SNX10: variants seen among roughly 807,000 people sequenced by gnomAD.
SNX10 encodes sorting nexin 10.
In SNX10, 25 loss-of-function variants were observed where a neutral mutation model predicts 28.5. That is an observed-to-expected ratio of 0.88 (90% CI 0.64 to 1.22). The LOEUF is 1.22. SNX10 is among the 50% of genes most tolerant of loss of function. The pLI is 0.00. For synonymous variants in SNX10, 62 were observed against 81.4 expected (o/e 0.76, Z 1.28); for missense variants, 223 against 242.6 (o/e 0.92, Z 0.54).
At chr7:26,303,099 G>A (rs988843176) in intron 1 of SNX10, among the ~76,000 whole-genome samples, 3 of 152,198 alleles carry the variant, frequency 2.0e-5, no homozygotes, top group Admixed American at 6.5e-5. Context: ...ATTAGAATGC[G>A]TTAGCTTCAA....
chr7:26,318,260 AT>A (rs1787169739), intron 1 of SNX10, among the ~76,000 whole-genome samples: 1 of 151,850 alleles, frequency 6.6e-6, no homozygotes, highest in African/African-American at 2.4e-5. Flanking sequence ...GTTATTTCTT[AT>A]AGCTAAGTGT....
chr7:26,351,622 A>T (rs1788599094), intron 2 of SNX10, among the ~76,000 whole-genome samples: 1 of 151,506 alleles, frequency 6.6e-6, no homozygotes, highest in Non-Finnish European at 1.5e-5. Context: ...CATTAGGTGA[A>T]AACTAAAGCA....
At chr7:26,345,535 C>CG (rs1430250530) in intron 1 of SNX10, among the ~76,000 whole-genome samples, 1 of 152,210 alleles carries the variant, frequency 6.6e-6, no homozygotes, top group Non-Finnish European at 1.5e-5. Flanking sequence ...TCTGCACCTC[C>CG]ACACGGCCCT....
intron 1 of SNX10, among the ~76,000 whole-genome samples, chr7:26,315,632 C>G (rs1787054445): frequency 6.6e-6 from 1 of 151,004 alleles, no homozygotes; most frequent in Admixed American, 6.6e-5. Context: ...TTCGCCACTG[C>G]ACTTCTAGCC....
At chr7:26,369,851 T>C (rs1789444263) in intron 5 of SNX10, among the ~76,000 whole-genome samples, 2 of 152,238 alleles carry the variant, frequency 1.3e-5, no homozygotes, top group South Asian at 2.1e-4. Flanking sequence ...ACCTGGACTC[T>C]GATCACTTTT....
In SNX10 at chr7:26,324,312, T is replaced by C. The variant is rs527527915; in HGVS notation, c.-23-22108T>C. Among the ~76,000 whole-genome samples the C allele has an allele frequency of 1.8e-4, 28 of 152,322 alleles. 1 individual carries two copies. Among genetic ancestry groups the C allele is most frequent in the Middle Eastern group, 3.4e-3 (1 of 294 alleles). Reference sequence around the variant, plus strand: ...GTAAAATTGTGATAATGATTGTTCATTGTGGTGGTTTATGGTTAAGGTGAC... The same window carrying C: ...GTAAAATTGTGATAATGATTGTTCACTGTGGTGGTTTATGGTTAAGGTGAC... On this transcript the variant is annotated intron_variant, in intron 1 of 6. Transcript: ENST00000338523.
At chr7:26,357,869 G>C (rs754553869) in intron 2 of SNX10, among the ~76,000 whole-genome samples, 8 of 152,100 alleles carry the variant, frequency 5.3e-5, no homozygotes, top group Non-Finnish European at 1.2e-4. Flanking sequence ...GCGTGCTCAA[G>C]GGACTTCTAG....
chr7:26,371,891 G>C lies in SNX10; in HGVS notation c.382G>C (p.Glu128Gln), dbSNP rs757084815. ...HLFLQSHLNS[E>Q]DIEACVSGQT... Reference sequence around the variant, plus strand: ...CTTCTTACAGAGCCATCTGAATTCAGAAGACATTGAGGCGTGTGTTTCTGG... The same window carrying C: ...CTTCTTACAGAGCCATCTGAATTCACAAGACATTGAGGCGTGTGTTTCTGG... The change falls in exon 6 of 7, where the codon GAA (glutamate) becomes CAA (glutamine). Residue 128 changes from glutamate to glutamine, a missense_variant. Coordinates refer to ENST00000338523, the MANE Select transcript of SNX10 (RefSeq NM_013322.3). 5.4e-5 allele frequency: 87 copies of C among 1,613,436 alleles called. No individual in the cohort carries two copies. The highest frequency in any genetic ancestry group is 7.2e-5 in the Non-Finnish European group (85 of 1,179,690).
At position 26,371,974 on chromosome 7, in the gene SNX10, T is replaced by C; in HGVS notation, c.465T>C (p.Arg155=). Residue 155 remains arginine, a synonymous_variant, in exon 6 of 7, where the codon CGT becomes CGC. Transcript: ENST00000338523. ...ACAAGTTTGCCTTAATGAATAGACG[T>C]TTCCCTGAAGAAGATGAAGAAGGAA... is the stretch of plus-strand genomic sequence containing the variant. The part of the protein sequence containing the change: ...AIHKFALMNR[R]FPEEDEEGKK... 1 of 1,613,402 alleles carries C rather than the reference T, an allele frequency of 6.2e-7. No individual in the cohort carries two copies. Among genetic ancestry groups the C allele is most frequent in the Non-Finnish European group, 8.5e-7 (1 of 1,179,468 alleles).
chr7:26,366,225 A>G (rs894506862), intron 5 of SNX10, among the ~76,000 whole-genome samples: 12 of 152,210 alleles, frequency 7.9e-5, no homozygotes, highest in African/African-American at 2.9e-4. Context: ...AGCTAGCCTG[A>G]AATAAATATA....
At chr7:26,332,227 T>A (rs949645000) in intron 1 of SNX10, among the ~76,000 whole-genome samples, 2 of 152,242 alleles carry the variant, frequency 1.3e-5, no homozygotes, top group Non-Finnish European at 2.9e-5. Flanking sequence ...CTGATTGCTT[T>A]ACCTCCTTGG....
chr7:26,371,105 G>A (rs1789512939), intron 5 of SNX10, among the ~76,000 whole-genome samples: 1 of 151,972 alleles, frequency 6.6e-6, no homozygotes, highest in Admixed American at 6.6e-5. Flanking sequence ...TTCTGTCTTT[G>A]TAAACTTTGA....
chr7:26,309,165 C>G (rs1786715649), intron 1 of SNX10, among the ~76,000 whole-genome samples: 1 of 152,126 alleles, frequency 6.6e-6, no homozygotes, highest in African/African-American at 2.4e-5. Flanking sequence ...CCTGTTTTCT[C>G]TGCCTGTCCT....
At chr7:26,302,281 A>G (rs1056031144) in intron 1 of SNX10, among the ~76,000 whole-genome samples, 2 of 152,124 alleles carry the variant, frequency 1.3e-5, no homozygotes, top group Non-Finnish European at 2.9e-5. Flanking sequence ...ACCCATCTCA[A>G]GCTGTGTGGG....
At chr7:26,310,945 A>G (rs1390536444) in intron 1 of SNX10, among the ~76,000 whole-genome samples, 1 of 151,846 alleles carries the variant, frequency 6.6e-6, no homozygotes, top group East Asian at 1.9e-4. Context: ...GGCCTCCCAA[A>G]GTGCTGGGAT....
intron 1 of SNX10, among the ~76,000 whole-genome samples, 198 bp downstream of exon 1, chr7:26,292,284 G>A (rs557982902): frequency 6.6e-6 from 1 of 152,268 alleles, no homozygotes; most frequent in East Asian, 1.9e-4. Flanking sequence ...CGGGCAGGGA[G>A]AAATGATCAG....
At chr7:26,347,714 G>C (rs10231349) in intron 2 of SNX10, among the ~76,000 whole-genome samples, 56,217 of 151,872 alleles carry the variant, frequency 0.37, 10,990 homozygotes, top group South Asian at 0.61. Flanking sequence ...GCTGGGCGTA[G>C]TGGCATGCGT....
chr7:26,366,865 G>A (rs2699813), intron 5 of SNX10, among the ~76,000 whole-genome samples: 95,087 of 152,108 alleles, frequency 0.63, 30,472 homozygotes, highest in East Asian at 0.79. Flanking sequence ...GACCCTGTGA[G>A]TGTCATTCAG....
intron 1 of SNX10, among the ~76,000 whole-genome samples, chr7:26,299,940 G>A (rs1786271770): frequency 6.6e-6 from 1 of 152,052 alleles, no homozygotes; most frequent in South Asian, 2.1e-4. Context: ...GCCGGGCATG[G>A]TGGCTCACGC....
Sources: allele counts gnomAD v4.1 joint callset (sites outside exome capture counted in the v4.1 genomes callset), GRCh38; gene constraint gnomAD v4.1.1; transcripts MANE v1.5; gene names NCBI Gene and HGNC (gene_info 2026-07-23, HGNC 2026-07-21).